Variants in SUCLG2 observed in about 807,000 individuals in gnomAD.
SUCLG2 encodes succinate-CoA ligase GDP-forming subunit beta.
Under a neutral mutation model 47.9 loss-of-function variants are expected in SUCLG2, and 42 were observed. That is an observed-to-expected ratio of 0.88 (90% CI 0.69 to 1.14). The LOEUF (loss-of-function observed/expected upper bound fraction) is 1.14. Ranked by LOEUF, SUCLG2 falls within the 50% of genes most tolerant of loss-of-function variation. The pLI is 0.00. For missense variants in SUCLG2, 571 were observed against 525.9 expected, an observed-to-expected ratio of 1.09 and a Z score of -0.84; for synonymous variants, 195 against 197.3, an observed-to-expected ratio of 0.99 and a Z score of 0.10.
chr3:67,430,322 A>C (rs951252575), intron 9 of SUCLG2, among the ~76,000 whole-genome samples: 5 of 152,224 alleles, frequency 3.3e-5, no homozygotes, highest in African/African-American at 1.2e-4. Flanking sequence ...AACTACATGG[A>C]AACTGAACAA....
rs143438408 is a variant in SUCLG2 at position 67,489,467 on chromosome 3, G to T, written c.1062+6331C>A. 2.7e-3 allele frequency among the ~76,000 whole-genome samples: 404 copies of T among 152,136 alleles called. 4 individuals carry two copies. Among genetic ancestry groups the T allele is most frequent in the African/African-American group, 9.2e-3 (382 of 41,502 alleles). ...AAAATTAATCATTCTCCACAGACTA[G>T]ACTATCAGGTCGACTACCACTAGAA... On this transcript the variant is annotated intron_variant, in intron 9 of 10. Transcript: ENST00000307227.
chr3:67,438,016 G>A (rs917046002), intron 9 of SUCLG2, among the ~76,000 whole-genome samples: 4 of 152,026 alleles, frequency 2.6e-5, no homozygotes, highest in African/African-American at 9.7e-5. Flanking sequence ...TCGCTTCTGC[G>A]ATTAGTGATA....
intron 10 of SUCLG2, chr3:67,376,150 C>T (rs529804473): frequency 4.7e-5 from 46 of 970,260 alleles, no homozygotes; most frequent in Non-Finnish European, 5.2e-5. Context: ...GGATTTAATG[C>T]GGTTTTGGCC....
At chr3:67,471,246 G>A (rs1704598278) in intron 9 of SUCLG2, among the ~76,000 whole-genome samples, 1 of 152,184 alleles carries the variant, frequency 6.6e-6, no homozygotes, top group Non-Finnish European at 1.5e-5. Context: ...GAAGGCTTCA[G>A]CCGTGATTAT....
chr3:67,624,228 C>A (rs1700784081), intron 1 of SUCLG2, among the ~76,000 whole-genome samples: 1 of 152,184 alleles, frequency 6.6e-6, no homozygotes, highest in African/African-American at 2.4e-5. Flanking sequence ...CACAAGTTTG[C>A]CTGTCACACT....
intron 2 of SUCLG2, among the ~76,000 whole-genome samples, chr3:67,556,605 T>C (rs1707167465): frequency 6.6e-6 from 1 of 152,158 alleles, no homozygotes; most frequent in Non-Finnish European, 1.5e-5. Flanking sequence ...CCACAAAACA[T>C]CCTACTGTAT....
intron 9 of SUCLG2, among the ~76,000 whole-genome samples, chr3:67,492,461 T>C (rs184254815): frequency 6.6e-6 from 1 of 152,340 alleles, no homozygotes; most frequent in East Asian, 1.9e-4. Context: ...GCTTTTCTTT[T>C]AAATGTCTTT....
chr3:67,390,773 T>C (rs1346754781), intron 10 of SUCLG2, among the ~76,000 whole-genome samples: 1 of 152,148 alleles, frequency 6.6e-6, no homozygotes, highest in Non-Finnish European at 1.5e-5. Flanking sequence ...CTCTATACAG[T>C]CAGTGTACAA....
chr3:67,407,566 T>C (rs1243505131), intron 9 of SUCLG2, among the ~76,000 whole-genome samples: 1 of 152,268 alleles, frequency 6.6e-6, no homozygotes, highest in Non-Finnish European at 1.5e-5. Context: ...GTAAGCCAGC[T>C]ACTTTGCAAA....
intron 2 of SUCLG2, among the ~76,000 whole-genome samples, chr3:67,608,840 G>T (rs1434085588): frequency 6.6e-6 from 1 of 152,054 alleles, no homozygotes; most frequent in African/African-American, 2.4e-5. Flanking sequence ...ACCATACTAG[G>T]CTAATTTTTT....
At chr3:67,406,456 A>T (rs546730733) in intron 9 of SUCLG2, among the ~76,000 whole-genome samples, 107 of 152,326 alleles carry the variant, frequency 7.0e-4, no homozygotes, top group African/African-American at 2.5e-3. Flanking sequence ...ATATTACACC[A>T]GGTGGTGAGG....
intron 2 of SUCLG2, among the ~76,000 whole-genome samples, chr3:67,569,473 G>C (rs949505601): frequency 8.5e-5 from 13 of 152,216 alleles, no homozygotes; most frequent in Non-Finnish European, 1.6e-4. Context: ...TGCCCAAGTG[G>C]ACCCAGAAGG....
chr3:67,372,564 C>G (rs576237743), downstream of SUCLG2, among the ~76,000 whole-genome samples: 1 of 152,072 alleles, frequency 6.6e-6, no homozygotes, highest in African/African-American at 2.4e-5. Flanking sequence ...CAGTTAGGAA[C>G]AGCATATGTT....
At chr3:67,505,829 G>A (rs1299027436) in intron 7 of SUCLG2, among the ~76,000 whole-genome samples, 1 of 152,126 alleles carries the variant, frequency 6.6e-6, no homozygotes, top group African/African-American at 2.4e-5. Context: ...GGGCGCGGTG[G>A]TGGGCGCCTG....
In SUCLG2 at chr3:67,411,400, G is replaced by A. The variant is rs150229629; in HGVS notation, c.1063-10549C>T. 2.6e-3 allele frequency among the ~76,000 whole-genome samples: 389 copies of A among 152,112 alleles called. 1 individual carries two copies. Among genetic ancestry groups the A allele is most frequent in the Non-Finnish European group, 4.4e-3 (301 of 67,974 alleles). On this transcript the variant is annotated intron_variant, in intron 9 of 10. Transcript: ENST00000307227. ...ATATAATGATCCTGTGAGGTTTTAG[G>A]CATCTGTTCAAATAAACCTATTTGA...
chr3:67,452,301 A>T (rs1245656753), intron 9 of SUCLG2, among the ~76,000 whole-genome samples: 1 of 152,200 alleles, frequency 6.6e-6, no homozygotes, highest in African/African-American at 2.4e-5. Flanking sequence ...AGTTATCATA[A>T]TATTTTTAAA....
At chr3:67,478,882 AT>A (rs779075767) in intron 9 of SUCLG2, among the ~76,000 whole-genome samples, 48 of 152,314 alleles carry the variant, frequency 3.2e-4, no homozygotes, top group Non-Finnish European at 6.0e-4. Context: ...CACTTAAAGA[AT>A]TTTCAAAGTT....
At chr3:67,433,400 T>C (rs1456714982) in intron 9 of SUCLG2, among the ~76,000 whole-genome samples, 1 of 152,154 alleles carries the variant, frequency 6.6e-6, no homozygotes, top group Non-Finnish European at 1.5e-5. Flanking sequence ...AGGAACCAAT[T>C]TTATTCAGGG....
At chr3:67,402,705 C>G (rs1191301673) in intron 9 of SUCLG2, among the ~76,000 whole-genome samples, 1 of 152,164 alleles carries the variant, frequency 6.6e-6, no homozygotes, top group African/African-American at 2.4e-5. Flanking sequence ...AAGGTTTGTG[C>G]AGAGGAACTT....
Sources: gnomAD v4.1 joint callset for allele counts (sites outside exome capture counted in the v4.1 genomes callset) on GRCh38, gnomAD v4.1.1 for gene constraint, MANE v1.5 for transcripts, NCBI Gene and HGNC (gene_info 2026-07-23, HGNC 2026-07-21) for gene names.